The following ADAMTSL1 variants were observed in gnomAD, a reference collection of about 807,000 sequenced individuals.
The protein encoded by ADAMTSL1 is ADAMTS-like protein 1.
ADAMTSL1 carries 126 observed loss-of-function variants against 201.8 expected under a neutral mutation model. The observed-to-expected ratio is 0.62, with a 90% CI of 0.54 to 0.72. ADAMTSL1 has a LOEUF of 0.72. Among genes scored for constraint, ADAMTSL1 ranks in the 30% least tolerant of loss-of-function variants. The pLI, the probability that ADAMTSL1 is intolerant of heterozygous loss-of-function variation, is 0.00. For synonymous variants in ADAMTSL1, 1,121 were observed against 903.4 expected, an observed-to-expected ratio of 1.24 and a Z score of -4.32; for missense variants, 2,679 against 2,277.8, an observed-to-expected ratio of 1.18 and a Z score of -3.59.
At chr9:18,173,262 A>G (rs1827985381) in intron 2 of ADAMTSL1, among the ~76,000 whole-genome samples, 1 of 152,146 alleles carries the variant, frequency 6.6e-6, no homozygotes. Flanking sequence ...AAAATCACTG[A>G]AACATAAAGT....
chr9:18,200,496 T>C (rs1186608682), intron 2 of ADAMTSL1, among the ~76,000 whole-genome samples: 4 of 152,184 alleles, frequency 2.6e-5, no homozygotes, highest in East Asian at 3.9e-4. Flanking sequence ...AACACAGCTA[T>C]ACACAGATAA....
chr9:17,921,376 A>G (rs2131293381), intron 1 of ADAMTSL1, among the ~76,000 whole-genome samples: 1 of 152,140 alleles, frequency 6.6e-6, no homozygotes, highest in Admixed American at 6.6e-5. Flanking sequence ...AGTCAGTTAC[A>G]ATTCCTCCAC....
At chr9:18,854,390 G>A (rs1193160070) in intron 23 of ADAMTSL1, among the ~76,000 whole-genome samples, 1 of 152,038 alleles carries the variant, frequency 6.6e-6, no homozygotes, top group African/African-American at 2.4e-5. Flanking sequence ...TTTTCTTTGG[G>A]GCACCAGTTT....
rs143240165 is a variant in ADAMTSL1 at position 18,872,791 on chromosome 9, A to G, written c.4250-15040A>G. On this transcript the variant is annotated intron_variant, in intron 23 of 28. Transcript: ENST00000380548. ...TTTTGCAGTTGCAAATTCTGCTGCT[A>G]TAAACATGCATGTGCAAGTGTCTCT... Among the ~76,000 whole-genome samples, 1,136 of 152,320 alleles carry G rather than the reference A, an allele frequency of 7.5e-3. 22 individuals are homozygous for G. Among genetic ancestry groups the G allele is most frequent in the African/African-American group, 0.026 (1,080 of 41,574 alleles).
intron 2 of ADAMTSL1, among the ~76,000 whole-genome samples, chr9:18,209,544 A>C (rs930856426): frequency 1.3e-5 from 2 of 152,140 alleles, no homozygotes; most frequent in Non-Finnish European, 2.9e-5. Flanking sequence ...AGCTAAAGGG[A>C]GGTCCCGATA....
At chr9:18,404,207 C>G (rs1193358495) in intron 2 of ADAMTSL1, among the ~76,000 whole-genome samples, 5 of 152,054 alleles carry the variant, frequency 3.3e-5, no homozygotes, top group Admixed American at 6.6e-5. Context: ...TAAGTTTATG[C>G]TTTTTTAAAG....
At chr9:18,068,860 G>A (rs953548661) in intron 1 of ADAMTSL1, among the ~76,000 whole-genome samples, 4 of 152,148 alleles carry the variant, frequency 2.6e-5, no homozygotes, top group African/African-American at 9.7e-5. Flanking sequence ...ATTACAGAGT[G>A]GTATAGTGCT....
At chr9:18,549,553 G>A (rs924099010) in intron 3 of ADAMTSL1, among the ~76,000 whole-genome samples, 3 of 151,976 alleles carry the variant, frequency 2.0e-5, no homozygotes, top group Non-Finnish European at 4.4e-5. Flanking sequence ...GTGTGTATAT[G>A]TATGTATGTA....
chr9:18,340,574 A>C (rs1835427740), intron 2 of ADAMTSL1, among the ~76,000 whole-genome samples: 1 of 152,082 alleles, frequency 6.6e-6, no homozygotes, highest in South Asian at 2.1e-4. Context: ...CTCCCTACCC[A>C]ACTCTCACCT....
At chr9:18,352,826 G>A (rs375931992) in intron 2 of ADAMTSL1, among the ~76,000 whole-genome samples, 49 of 152,294 alleles carry the variant, frequency 3.2e-4, no homozygotes, top group Admixed American at 1.3e-3. Flanking sequence ...ATCAGTCAGC[G>A]TCCCTGGCAA....
At chr9:18,697,760 A>G (rs978841864) in intron 13 of ADAMTSL1, among the ~76,000 whole-genome samples, 1 of 152,196 alleles carries the variant, frequency 6.6e-6, no homozygotes, top group Non-Finnish European at 1.5e-5. Context: ...CTGATTTTTT[A>G]CTTGAGCAAT....
chr9:18,063,627 G>A (rs1167012201), intron 1 of ADAMTSL1, among the ~76,000 whole-genome samples: 5 of 152,166 alleles, frequency 3.3e-5, no homozygotes, highest in Non-Finnish European at 5.9e-5. Flanking sequence ...TCAGAATGGC[G>A]GGCAGCCCAT....
chr9:18,636,115 C>G, intron 6 of ADAMTSL1, 98 bp downstream of exon 6: 3 of 1,001,600 alleles, frequency 3.0e-6, no homozygotes. Context: ...GAATACAAAT[C>G]TTTCTACTCT....
At chr9:18,415,518 T>C (rs2133334771) in intron 2 of ADAMTSL1, among the ~76,000 whole-genome samples, 1 of 151,772 alleles carries the variant, frequency 6.6e-6, no homozygotes, top group East Asian at 1.9e-4. Flanking sequence ...AGACATAGAA[T>C]TGCAAAATTA....
intron 15 of ADAMTSL1, among the ~76,000 whole-genome samples, chr9:18,737,068 C>T (rs1183447688): frequency 6.6e-6 from 1 of 152,088 alleles, no homozygotes; most frequent in Non-Finnish European, 1.5e-5. Context: ...CCTGTAATCC[C>T]AACACTTTGG....
chr9:18,063,775 C>G (rs1033565245), intron 1 of ADAMTSL1, among the ~76,000 whole-genome samples: 3 of 152,164 alleles, frequency 2.0e-5, no homozygotes, highest in African/African-American at 7.2e-5. Context: ...TTGTGAGTAT[C>G]TGTCCATGCA....
intron 9 of ADAMTSL1, among the ~76,000 whole-genome samples, chr9:18,673,582 C>G (rs930177157): frequency 1.3e-5 from 2 of 152,214 alleles, no homozygotes; most frequent in African/African-American, 4.8e-5. Context: ...TTTGTACACT[C>G]TCCCTTTTAT....
At chr9:18,106,405 T>G (rs780720719) in intron 1 of ADAMTSL1, among the ~76,000 whole-genome samples, 6 of 152,176 alleles carry the variant, frequency 3.9e-5, no homozygotes, top group Non-Finnish European at 7.3e-5. Context: ...GAGAGCTTTG[T>G]TTGCCCACAC....
intron 25 of ADAMTSL1, chr9:18,890,799 A>G (rs1829209001): frequency 2.9e-6 from 1 of 346,234 alleles, no homozygotes; most frequent in Non-Finnish European, 5.7e-6. Flanking sequence ...CAGGCCTGAC[A>G]TTCACCAGGG....
Sources: allele counts gnomAD v4.1 joint callset (sites outside exome capture counted in the v4.1 genomes callset), GRCh38; gene constraint gnomAD v4.1.1; transcripts MANE v1.5; gene names NCBI Gene and HGNC (gene_info 2026-07-23, HGNC 2026-07-21).